The following GUCY1A2 variants were observed in gnomAD, a reference collection of about 807,000 sequenced individuals.
GUCY1A2 encodes guanylate cyclase soluble subunit alpha-2.
GUCY1A2 carries 27 observed loss-of-function variants against 63.5 expected under a neutral mutation model. The observed-to-expected ratio is 0.43, with a 90% CI of 0.31 to 0.59. The LOEUF (loss-of-function observed/expected upper bound fraction) is 0.59, where lower values mean the gene tolerates loss of function less well. GUCY1A2 is among the 20% of genes least tolerant of loss of function. The pLI is 0.11. For synonymous variants in GUCY1A2, 364 were observed against 343.5 expected, an observed-to-expected ratio of 1.06 and a Z score of -0.66; for missense variants, 768 against 913.3, an observed-to-expected ratio of 0.84 and a Z score of 2.05.
intron 4 of GUCY1A2, among the ~76,000 whole-genome samples, chr11:106,819,056 T>C (rs1166495076): frequency 6.6e-6 from 1 of 152,128 alleles, no homozygotes; most frequent in Non-Finnish European, 1.5e-5. Flanking sequence ...AAGACTTCAG[T>C]TGAGGGTATC....
chr11:107,010,268 C>A (rs538886607), intron 1 of GUCY1A2, among the ~76,000 whole-genome samples: 1 of 152,304 alleles, frequency 6.6e-6, no homozygotes, highest in African/African-American at 2.4e-5. Context: ...ATCTTCAGAT[C>A]CTGTCCTGAA....
At chr11:106,689,326 TA>T (rs200134335) in intron 7 of GUCY1A2, among the ~76,000 whole-genome samples, 9 of 152,010 alleles carry the variant, frequency 5.9e-5, no homozygotes, top group Non-Finnish European at 1.2e-4. Flanking sequence ...TAATGGCAGT[TA>T]AAAAAAACCA....
At chr11:106,696,028 G>C (rs1205765243) in intron 7 of GUCY1A2, among the ~76,000 whole-genome samples, 1 of 152,116 alleles carries the variant, frequency 6.6e-6, no homozygotes, top group Non-Finnish European at 1.5e-5. Context: ...AGTAGGTACT[G>C]ATGGCAAAGT....
intron 3 of GUCY1A2, among the ~76,000 whole-genome samples, chr11:106,944,899 T>C (rs892115718): frequency 6.6e-6 from 1 of 152,160 alleles, no homozygotes; most frequent in Non-Finnish European, 1.5e-5. Flanking sequence ...TAGTCCCTTG[T>C]AGTATTTTTT....
rs113442107 is a variant in GUCY1A2 at position 106,875,083 on chromosome 11, T to C, written c.1206+64377A>G. ...AATAGGAAAAATATGAAAAGATTTA[T>C]CAACCAGGTTTTTGTCCCCATTATG... On this transcript the variant is annotated intron_variant, in intron 4 of 7. Coordinates refer to ENST00000526355, the MANE Select transcript of GUCY1A2 (RefSeq NM_000855.3). 1.3e-3 allele frequency among the ~76,000 whole-genome samples: 192 copies of C among 152,284 alleles called. 1 individual carries two copies. Among genetic ancestry groups the C allele is most frequent in the African/African-American group, 4.3e-3 (180 of 41,580 alleles).
intron 4 of GUCY1A2, among the ~76,000 whole-genome samples, chr11:106,818,402 C>T (rs1387458264): frequency 6.6e-6 from 1 of 152,076 alleles, no homozygotes; most frequent in Non-Finnish European, 1.5e-5. Context: ...GCACCACAAA[C>T]CACACCCGTA....
Position 106,680,580 on chromosome 11 carries a change from C to A in GUCY1A2, c.*6969G>T, listed in dbSNP as rs552232045. 1 of 196,210 alleles carries A rather than the reference C, an allele frequency of 5.1e-6. No individual in the cohort carries two copies. Among genetic ancestry groups the A allele is most frequent in the South Asian group, 1.9e-4 (1 of 5,192 alleles). 12.2% of individuals were successfully genotyped at this position (196,210 alleles called of 1,614,324 possible). Reference sequence around the variant, plus strand: ...TAACTTCAGTGTAATTTAATAGATTCAAATTAAATATTTTCCATTATTTAT... The same window carrying A: ...TAACTTCAGTGTAATTTAATAGATTAAAATTAAATATTTTCCATTATTTAT... On this transcript the variant is annotated 3_prime_UTR_variant, in exon 8 of 8. Coordinates refer to ENST00000526355, the MANE Select transcript of GUCY1A2 (RefSeq NM_000855.3).
chr11:106,815,210 G>C (rs1011983781), intron 4 of GUCY1A2, among the ~76,000 whole-genome samples: 1 of 151,848 alleles, frequency 6.6e-6, no homozygotes, highest in African/African-American at 2.4e-5. Context: ...AGTGAATTGA[G>C]GACAGCTTAA....
chr11:106,896,254 T>G (rs1860048103), intron 4 of GUCY1A2, among the ~76,000 whole-genome samples: 1 of 152,024 alleles, frequency 6.6e-6, no homozygotes, highest in African/African-American at 2.4e-5. Flanking sequence ...ATAAAAAGCA[T>G]CTGACAAAAT....
intron 4 of GUCY1A2, among the ~76,000 whole-genome samples, chr11:106,825,133 A>C (rs981186637): frequency 3.9e-5 from 6 of 152,200 alleles, no homozygotes; most frequent in African/African-American, 1.4e-4. Flanking sequence ...AAAATTAGAG[A>C]TCACGATTAT....
intron 4 of GUCY1A2, among the ~76,000 whole-genome samples, chr11:106,935,535 A>G (rs974911830): frequency 6.6e-6 from 1 of 152,128 alleles, no homozygotes; most frequent in Admixed American, 6.6e-5. Context: ...TCACTGAAAC[A>G]TAGAGATGAA....
chr11:107,000,544 T>C (rs946779243), intron 1 of GUCY1A2, among the ~76,000 whole-genome samples: 1 of 152,188 alleles, frequency 6.6e-6, no homozygotes, highest in East Asian at 1.9e-4. Context: ...TAAGGGTAAT[T>C]ATACCTACTC....
At chr11:106,737,387 G>A (rs764218386) in intron 6 of GUCY1A2, among the ~76,000 whole-genome samples, 1 of 152,028 alleles carries the variant, frequency 6.6e-6, no homozygotes, top group Non-Finnish European at 1.5e-5. Context: ...CTCTTAGAGT[G>A]GACCATCTCT....
intron 3 of GUCY1A2, among the ~76,000 whole-genome samples, chr11:106,975,593 AG>A (rs1475563552): frequency 6.6e-6 from 1 of 152,198 alleles, no homozygotes; most frequent in Non-Finnish European, 1.5e-5. Flanking sequence ...CAATTGGCAA[AG>A]CACCAAAATA....
At chr11:106,740,599 A>G (rs1322946922) in intron 6 of GUCY1A2, among the ~76,000 whole-genome samples, 1 of 150,590 alleles carries the variant, frequency 6.6e-6, no homozygotes, top group Non-Finnish European at 1.5e-5. Flanking sequence ...ATGCCCTGTT[A>G]GAAATGTTTA....
At chr11:106,876,303 G>T (rs1859747797) in intron 4 of GUCY1A2, among the ~76,000 whole-genome samples, 1 of 151,942 alleles carries the variant, frequency 6.6e-6, no homozygotes, top group Non-Finnish European at 1.5e-5. Context: ...AGGAAGCAAA[G>T]AAAAACCACT....
At chr11:106,916,415 T>G (rs1206248728) in intron 4 of GUCY1A2, among the ~76,000 whole-genome samples, 1 of 145,384 alleles carries the variant, frequency 6.9e-6, no homozygotes, top group African/African-American at 2.4e-5. Flanking sequence ...ATTTGGTTGT[T>G]GAGAGTATTA....
intron 4 of GUCY1A2, among the ~76,000 whole-genome samples, chr11:106,837,761 T>C (rs1859136893): frequency 6.6e-6 from 1 of 151,966 alleles, no homozygotes. Context: ...TACTGAAAAA[T>C]TAGTACATAA....
intron 5 of GUCY1A2, among the ~76,000 whole-genome samples, chr11:106,777,803 C>T (rs1436486538): frequency 1.3e-5 from 2 of 151,986 alleles, no homozygotes; most frequent in African/African-American, 4.8e-5. Flanking sequence ...ATGTTCTGCA[C>T]ATGTACCCCA....
Sources: gnomAD v4.1 joint callset for allele counts (sites outside exome capture counted in the v4.1 genomes callset) on GRCh38, gnomAD v4.1.1 for gene constraint, MANE v1.5 for transcripts, NCBI Gene and HGNC (gene_info 2026-07-23, HGNC 2026-07-21) for gene names.